The following NRG1 variants were observed in gnomAD, a reference collection of about 807,000 sequenced individuals.
The protein encoded by NRG1 is neuregulin 1, also known as pro-neuregulin-1, membrane-bound isoform.
Under a neutral mutation model 63.8 loss-of-function variants are expected in NRG1, and 18 were observed. The ratio of observed to expected loss-of-function variants is 0.28; its 90% confidence interval spans 0.19 to 0.42. The LOEUF (loss-of-function observed/expected upper bound fraction) is 0.42. Among genes scored for constraint, NRG1 ranks in the 10% least tolerant of loss-of-function variants. The pLI, the probability that NRG1 is intolerant of heterozygous loss-of-function variation, is 1.00. For synonymous variants in NRG1, 302 were observed against 301.3 expected, an observed-to-expected ratio of 1.00 and a Z score of -0.02; for missense variants, 762 against 814.7, an observed-to-expected ratio of 0.94 and a Z score of 0.79.
chr8:31,825,577 G>A (rs1281640848), intron 1 of NRG1, among the ~76,000 whole-genome samples: 1 of 152,090 alleles, frequency 6.6e-6, no homozygotes, highest in African/African-American at 2.4e-5. Context: ...CATTTTGGAT[G>A]AAGGGACTGA....
chr8:32,665,248 A>C (rs1014657038), intron 5 of NRG1, among the ~76,000 whole-genome samples: 5 of 152,134 alleles, frequency 3.3e-5, no homozygotes, highest in Non-Finnish European at 5.9e-5. Flanking sequence ...TCTGCATAGT[A>C]TATCCATGGC....
chr8:31,845,380 T>G (rs1213200914), intron 1 of NRG1, among the ~76,000 whole-genome samples: 1 of 152,168 alleles, frequency 6.6e-6, no homozygotes, highest in African/African-American at 2.4e-5. Flanking sequence ...TGGGTCCTCT[T>G]TACATATTAT....
chr8:31,958,043 C>CAAGATAGATAGA, intron 1 of NRG1, among the ~76,000 whole-genome samples: 1 of 38,286 alleles, frequency 2.6e-5, no homozygotes. Context: ...TCAGTAGAGA[C>CAAGATAGATAGA]CAGATAGATA....
At chr8:32,579,940 C>T (rs1218050664) in intron 1 of NRG1, among the ~76,000 whole-genome samples, 1 of 152,090 alleles carries the variant, frequency 6.6e-6, no homozygotes, top group Non-Finnish European at 1.5e-5. Flanking sequence ...CCTCTTACTT[C>T]CAAGCCAACA....
At chr8:32,755,867 C>T (rs113766435) in intron 8 of NRG1, among the ~76,000 whole-genome samples, 2,249 of 152,046 alleles carry the variant, frequency 0.015, 51 homozygotes, top group African/African-American at 0.052. Flanking sequence ...CTCAGCCTCC[C>T]GAGTAGCTGG....
At chr8:31,807,082 A>C (rs1339382658) in intron 1 of NRG1, among the ~76,000 whole-genome samples, 1 of 152,220 alleles carries the variant, frequency 6.6e-6, no homozygotes, top group Non-Finnish European at 1.5e-5. Flanking sequence ...AATTGTGTTA[A>C]ATGCCGGCCA....
chr8:32,040,248 C>G (rs1819725555), intron 1 of NRG1, among the ~76,000 whole-genome samples: 1 of 152,112 alleles, frequency 6.6e-6, no homozygotes, highest in Non-Finnish European at 1.5e-5. Flanking sequence ...AGTTCTAGAT[C>G]CTAGTTGATT....
chr8:32,482,398 T>TTTTGTGTGTGTG (rs141001148), intron 1 of NRG1, among the ~76,000 whole-genome samples: 2 of 148,220 alleles, frequency 1.3e-5, no homozygotes, highest in Admixed American at 6.7e-5. Context: ...CTTTCTACTT[T>TTTTGTGTGTGTG]TGTGTGTGTG....
At chr8:32,595,651 T>G (rs1843224661) in intron 1 of NRG1, among the ~76,000 whole-genome samples, 177 bp from the exon 2 acceptor site, 1 of 152,214 alleles carries the variant, frequency 6.6e-6, no homozygotes, top group Non-Finnish European at 1.5e-5. Context: ...TATTTGGGCA[T>G]TTTATTTTTC....
intron 1 of NRG1, among the ~76,000 whole-genome samples, chr8:31,643,118 T>C (rs1803961989): frequency 1.3e-5 from 2 of 151,758 alleles, no homozygotes. Context: ...GAGAGAGAAC[T>C]AGCAAGAGGA....
chr8:31,968,576 G>C (rs1376463094), intron 1 of NRG1, among the ~76,000 whole-genome samples: 2 of 152,150 alleles, frequency 1.3e-5, no homozygotes, highest in Non-Finnish European at 2.9e-5. Flanking sequence ...AACAGGACAT[G>C]ACATATAGTA....
Position 32,087,150 on chromosome 8 carries a change from G to A in NRG1, c.37+447719G>A, listed in dbSNP as rs541065278. On this transcript the variant is annotated intron_variant, in intron 1 of 10. Coordinates refer to the NRG1 transcript ENST00000519301. ...TTTGGATGTTTGTCCTCTCCAAATC[G>A]CATGTAGAAACATGATTCCCATTGT... 8.5e-5 allele frequency among the ~76,000 whole-genome samples: 13 copies of A among 152,172 alleles called. No individual in the cohort carries two copies. The South Asian group carries it at 2.3e-3, about 27-fold the overall frequency.
At chr8:31,683,475 C>A (rs774979196) in intron 1 of NRG1, among the ~76,000 whole-genome samples, 1 of 151,954 alleles carries the variant, frequency 6.6e-6, no homozygotes, top group Admixed American at 6.6e-5. Flanking sequence ...CGTATGATTG[C>A]GATTATGTGA....
At position 31,804,980 on chromosome 8, in the gene NRG1, G is replaced by A. The variant is rs150772600; in HGVS notation, c.37+165549G>A. On this transcript the variant is annotated intron_variant, in intron 1 of 10. Transcript: ENST00000519301. ...GGGACTGTTACTGCTGAGACACACC[G>A]AAGAGGAGAATTTTTAGTTTTTAGT... is the stretch of plus-strand genomic sequence containing the variant. 9.8e-4 allele frequency among the ~76,000 whole-genome samples: 150 copies of A among 152,294 alleles called. 2 individuals are homozygous for A. The highest frequency in any genetic ancestry group is 1.6e-3 in the Non-Finnish European group (111 of 68,028).
chr8:31,952,749 A>T (rs1354322555), intron 1 of NRG1, among the ~76,000 whole-genome samples: 1 of 152,246 alleles, frequency 6.6e-6, no homozygotes, highest in Non-Finnish European at 1.5e-5. Flanking sequence ...CTTGTCAAAC[A>T]CTTGACCCAG....
At chr8:32,766,432 GGAA>G (rs1292843499) in exon 12 of NRG1, 17 of 152,232 alleles carry the variant, frequency 1.1e-4, no homozygotes, top group African/African-American at 3.6e-4. Flanking sequence ...CACGGCATGG[GGAA>G]GAAGACAGTC....
intron 1 of NRG1, among the ~76,000 whole-genome samples, chr8:32,088,344 G>A (rs765434193): frequency 2.2e-4 from 34 of 152,230 alleles, no homozygotes; most frequent in Non-Finnish European, 4.0e-4. Context: ...AATTCCAGAC[G>A]AGGTCAGATA....
intron 1 of NRG1, among the ~76,000 whole-genome samples, chr8:31,971,769 C>A (rs905127000): frequency 3.9e-5 from 6 of 152,118 alleles, no homozygotes; most frequent in African/African-American, 1.4e-4. Context: ...CTAATCATTT[C>A]CTTTTTCTTT....
chr8:32,506,717 G>A (rs948663671), intron 1 of NRG1, among the ~76,000 whole-genome samples: 9 of 152,006 alleles, frequency 5.9e-5, no homozygotes, highest in African/African-American at 1.9e-4. Context: ...TGGGGGGTAT[G>A]TGGGGGGATC....
Sources: gnomAD v4.1 joint callset for allele counts (sites outside exome capture counted in the v4.1 genomes callset) on GRCh38, gnomAD v4.1.1 for gene constraint, MANE v1.5 for transcripts, NCBI Gene and HGNC (gene_info 2026-07-23, HGNC 2026-07-21) for gene names.